The following ZNF268 variants were observed in gnomAD, a reference collection of about 807,000 sequenced individuals.
ZNF268 encodes zinc finger protein 268.
A neutral mutation model predicts 29.3 loss-of-function variants in ZNF268; 20 were observed. That is an observed-to-expected ratio of 0.68 (90% CI 0.48 to 0.99). The LOEUF (loss-of-function observed/expected upper bound fraction) is 0.99. ZNF268 is among the 50% of genes least tolerant of loss of function. The probability of loss-of-function intolerance (pLI) is 0.00; values close to 1 mark genes in which losing one functional copy is unlikely to be tolerated. For missense variants in ZNF268, 1,240 were observed against 1,121.6 expected, an observed-to-expected ratio of 1.11 and a Z score of -1.51; for synonymous variants, 429 against 376.9, an observed-to-expected ratio of 1.14 and a Z score of -1.60.
rs1349365619 is a variant in ZNF268, at chr12:133,208,944, C to CCTT, written c.*4414_*4415insCTT. 9.3e-6 allele frequency: 1 copy of CCTT among 107,096 alleles called. No homozygotes were observed. Among genetic ancestry groups the CCTT allele is most frequent in the African/African-American group, 3.8e-5 (1 of 26,190 alleles). The allele number at this position is 107,096 out of a possible 1,614,324, so 6.6% of individuals were successfully genotyped here. A position where few individuals can be genotyped will look rare whatever the true frequency, so the allele number is the denominator to read the frequency against. ...AGCTCCTTATATGGCATAGTATTTG[C>CCTT]ATTTTTTTTTTTTTTTTTGAGATGG... On this transcript the variant is annotated 3_prime_UTR_variant, in exon 6 of 6. Coordinates refer to ENST00000536435, the MANE Select transcript of ZNF268 (RefSeq NM_003415.3).
rs988232985 is a variant in ZNF268, at chr12:133,209,471, G to A, written c.*4941G>A. The A allele has an allele frequency of 1.3e-5, 2 of 152,160 alleles. No individual in the cohort carries two copies. The highest frequency in any genetic ancestry group is 6.5e-5 in the Admixed American group (1 of 15,274). 9.4% of individuals were successfully genotyped at this position (152,160 alleles called of 1,614,324 possible). On this transcript the variant is annotated 3_prime_UTR_variant, in exon 6 of 6. Transcript: ENST00000536435. ...TATTTAAATTTAAATGAAGTTGCAA[G>A]TTTTAACATGTCTACTCTTTAATTT...
intron 2 of ZNF268, among the ~76,000 whole-genome samples, chr12:133,187,565 C>T (rs534450223): frequency 2.0e-5 from 3 of 152,098 alleles, no homozygotes; most frequent in Admixed American, 6.5e-5. Flanking sequence ...CCTATTAAGA[C>T]GCCATTTGGT....
rs778984528 is a variant in ZNF268 at position 133,204,275 on chromosome 12, A to G, written c.2589A>G (p.Pro863=). 37 of 1,551,514 alleles carry G rather than the reference A, an allele frequency of 2.4e-5. No individual in the cohort carries two copies. The highest frequency in any genetic ancestry group is 3.1e-5 in the Non-Finnish European group (36 of 1,151,894). The change falls in exon 6 of 6, where the codon CCA becomes CCG. Residue 863 remains proline (P), a synonymous_variant. Coordinates refer to ENST00000536435, the MANE Select transcript of ZNF268 (RefSeq NM_003415.3). ...AGAGAATGCACACAAGAGAGAAACC[A>G]TATGAATGCAGTGAGTGTGGAAAAG... ...VHQRMHTREK[P]YECSECGKAF...
chr12:133,192,149 C>T, intron 5 of ZNF268, 146 bp downstream of exon 5: 2 of 636,642 alleles, frequency 3.1e-6, no homozygotes, highest in Non-Finnish European at 5.1e-6. Context: ...ACTTTGTTGC[C>T]CAGGCTGGGG....
chr12:133,191,312 G>C, intron 3 of ZNF268, 177 bp from the exon 4 acceptor site: 2 of 645,630 alleles, frequency 3.1e-6, no homozygotes, highest in East Asian at 3.4e-5. Context: ...GTGAGACTCT[G>C]TCTCAACAAA....
In ZNF268 at chr12:133,204,080, C is replaced by T. The variant is rs1566386738; in HGVS notation, c.2394C>T (p.His798=). 5 of 1,551,046 alleles carry T rather than the reference C, an allele frequency of 3.2e-6. No homozygotes were observed. The East Asian group carries it at 9.7e-5, about 30-fold the overall frequency. ...GCAGCAAGTCATACCTAATTATACA[C>T]ATGAGAACTCATTCAGGTGAAAAAC... ...AFSSKSYLII[H]MRTHSGEKPY... The change falls in exon 6 of 6, where the codon CAC becomes CAT. Residue 798 remains histidine (H), a synonymous_variant. Transcript: ENST00000536435.
Position 133,191,897 on chromosome 12 carries a change from TC to T in ZNF268, c.362-10del. 6.2e-7 allele frequency: 1 copy of T among 1,613,174 alleles called. No homozygotes were observed. Among genetic ancestry groups the T allele is most frequent in the Non-Finnish European group, 8.5e-7 (1 of 1,179,108 alleles). On this transcript the variant is annotated splice_polypyrimidine_tract_variant and intron_variant, in intron 4 of 5. Transcript: ENST00000536435. Reference sequence around the variant, plus strand: ...TTTGTTCCAGGTTGTCTGTGATTTTTCTATTTATAGGGTACCAACACACCAA... The same window carrying T: ...TTTGTTCCAGGTTGTCTGTGATTTTTTATTTATAGGGTACCAACACACCAA...
chr12:133,191,171 G>T (rs1196685414), intron 3 of ZNF268, among the ~76,000 whole-genome samples: 1 of 152,004 alleles, frequency 6.6e-6, no homozygotes, highest in Non-Finnish European at 1.5e-5. Flanking sequence ...AAAAAAATCA[G>T]CCGGACTTGG....
chr12:133,203,983 A>C lies in ZNF268; in HGVS notation c.2297A>C (p.Gln766Pro). ...ECGKAFNRKDQLISHQRTHAG... is the reference protein window; with the variant it reads ...ECGKAFNRKDPLISHQRTHAG... ...GGGAAAGCCTTTAATAGGAAAGACC[A>C]GCTCATTTCACATCAGCGAACTCAT... Residue 766 changes from glutamine (Q) to proline (P), a missense_variant, in exon 6 of 6, where the codon CAG (glutamine) becomes CCG (proline). By Grantham distance (76) the Gln-to-Pro change is moderately conservative. Coordinates refer to ENST00000536435, the MANE Select transcript of ZNF268 (RefSeq NM_003415.3). The C allele has an allele frequency of 6.3e-7, 1 of 1,588,870 alleles. No homozygotes were observed. Among genetic ancestry groups the C allele is most frequent in the Admixed American group, 1.8e-5 (1 of 56,426 alleles).
chr12:133,203,339 A>G lies in ZNF268; in HGVS notation c.1653A>G (p.Thr551=). 1 of 1,547,334 alleles carries G rather than the reference A, an allele frequency of 6.5e-7. No homozygotes were observed. The highest frequency in any genetic ancestry group is 1.4e-5 in the African/African-American group (1 of 73,244). Residue 551 remains threonine, a synonymous_variant, in exon 6 of 6, where the codon ACA becomes ACG. Coordinates refer to ENST00000536435, the MANE Select transcript of ZNF268 (RefSeq NM_003415.3). ...SQLIIHQRIH[T]GENPYECHEC... is the part of the protein sequence containing the mutation. ...TCATTATACATCAGAGGATTCATAC[A>G]GGAGAGAACCCCTATGAATGCCATG...
At position 133,202,820 on chromosome 12, in the gene ZNF268, C is replaced by G. The variant is rs761333519; in HGVS notation, c.1134C>G (p.His378Gln). 6.2e-7 allele frequency: 1 copy of G among 1,601,816 alleles called. No individual in the cohort carries two copies. The highest frequency in any genetic ancestry group is 8.5e-7 in the Non-Finnish European group (1 of 1,176,454). ...VFSRKDQLVSHQKTHSGQKPY... is the reference protein window; with the variant it reads ...VFSRKDQLVSQQKTHSGQKPY... ...GTAGGAAAGACCAGCTTGTTTCACA[C>G]CAGAAAACTCATTCAGGACAGAAAC... Residue 378 changes from histidine (H) to glutamine (Q), a missense_variant, in exon 6 of 6, where the codon CAC becomes CAG. By Grantham distance (24) the His-to-Gln change is conservative. This residue lies in a region of ZNF268 where 1,177 missense variants were observed against 1,039.6 expected (regional missense o/e 1.13). Transcript: ENST00000536435.
Position 133,213,340 on chromosome 12 carries a change from T to C in ZNF268, c.*8810T>C, listed in dbSNP as rs560360968. The stretch of plus-strand genomic sequence containing the variant: ...GGAAACAAAAGAAAAAATAGGTAAA[T>C]TGGACTTCACCAAAATTGAAAACTT... On this transcript the variant is annotated 3_prime_UTR_variant, in exon 6 of 6. Transcript: ENST00000536435. The C allele has an allele frequency of 1.3e-5, 2 of 152,264 alleles. No individual in the cohort carries two copies. Among genetic ancestry groups the C allele is most frequent in the East Asian group, 3.9e-4 (2 of 5,180 alleles). The allele number at this position is 152,264 out of a possible 1,614,324, so 9.4% of individuals were successfully genotyped here. A position where few individuals can be genotyped will look rare whatever the true frequency, so the allele number is the denominator to read the frequency against.
Position 133,202,846 on chromosome 12 carries a change from C to T in ZNF268, c.1160C>T (p.Pro387Leu). The T allele has an allele frequency of 6.3e-7, 1 of 1,586,984 alleles. No homozygotes were observed. The highest frequency in any genetic ancestry group is 8.6e-7 in the Non-Finnish European group (1 of 1,169,228). The change falls in exon 6 of 6, where the codon CCA becomes CTA. Residue 387 changes from proline (P) to leucine (L), a missense_variant. Around this residue, in one of 3 missense-constraint regions of ZNF268, gnomAD observed 1,177 missense variants for 1,039.6 expected, o/e 1.13. Coordinates refer to ENST00000536435, the MANE Select transcript of ZNF268 (RefSeq NM_003415.3). ...SHQKTHSGQK[P>L]YVCNECGKAF... ...CAGAAAACTCATTCAGGACAGAAACCATATGTGTGTAATGAATGTGGGAAA... is the reference window on the plus strand; with the variant it reads ...CAGAAAACTCATTCAGGACAGAAACTATATGTGTGTAATGAATGTGGGAAA...
At chr12:133,182,976 G>C (rs184018070) in intron 2 of ZNF268, among the ~76,000 whole-genome samples, 29 of 152,282 alleles carry the variant, frequency 1.9e-4, no homozygotes, top group East Asian at 1.5e-3. Context: ...GGCAGGAGGC[G>C]AGTGGCGGTT....
Position 133,205,808 on chromosome 12 carries a change from A to G in ZNF268, c.*1278A>G, listed in dbSNP as rs1451563310. On this transcript the variant is annotated 3_prime_UTR_variant, in exon 6 of 6. Transcript: ENST00000536435. ...CGAAACATTCCCTAACGGTGTATGT[A>G]GTCATGAGGGAACCACCATTCAAGA... 1 of 152,210 alleles carries G rather than the reference A, an allele frequency of 6.6e-6. No homozygotes were observed. Among genetic ancestry groups the G allele is most frequent in the Non-Finnish European group, 1.5e-5 (1 of 68,034 alleles). 9.4% of individuals were successfully genotyped at this position (152,210 alleles called of 1,614,324 possible).
chr12:133,200,797 A>G (rs924279353), intron 5 of ZNF268, among the ~76,000 whole-genome samples: 8 of 151,974 alleles, frequency 5.3e-5, no homozygotes, highest in African/African-American at 1.9e-4. Flanking sequence ...CTCTTGTGGT[A>G]GTTACCTCCA....
rs140304928 is a variant in ZNF268 at position 133,192,394 on chromosome 12, C to T, written c.457+391C>T. Among the ~76,000 whole-genome samples, 7 of 152,182 alleles carry T rather than the reference C, an allele frequency of 4.6e-5. No homozygotes were observed. In the East Asian group the frequency reaches 1.2e-3, roughly 25 times the overall value. The stretch of plus-strand genomic sequence containing the variant: ...AAGTGCTGGGATTACAGGCGTGAGC[C>T]AGCGTGCCCGGCCTTACCATCCACT... On this transcript the variant is annotated intron_variant, in intron 5 of 5. Transcript: ENST00000536435.
intron 2 of ZNF268, among the ~76,000 whole-genome samples, chr12:133,184,119 T>G (rs952438430): frequency 1.3e-5 from 2 of 152,150 alleles, no homozygotes; most frequent in Non-Finnish European, 2.9e-5. Flanking sequence ...GTTTTCTTTT[T>G]TTTTTTGGAG....
In ZNF268 at chr12:133,195,883, A is replaced by G. The variant is rs1221809286; in HGVS notation, c.457+3880A>G. Among the ~76,000 whole-genome samples, 25 of 151,592 alleles carry G rather than the reference A, an allele frequency of 1.6e-4. 1 individual carries two copies. The highest frequency in any genetic ancestry group is 1.5e-3 in the Admixed American group (23 of 15,248). ...CAGGTACGCGCTACCACACCTGGCT[A>G]ATTTTTGTATTTTTAGACAGGGTTT... is the stretch of plus-strand genomic sequence containing the variant. On this transcript the variant is annotated intron_variant, in intron 5 of 5. Transcript: ENST00000536435.
Sources: allele counts gnomAD v4.1 joint callset (sites outside exome capture counted in the v4.1 genomes callset), GRCh38; gene constraint gnomAD v4.1.1; regional missense constraint gnomAD v4.1.1; transcripts MANE v1.5; gene names NCBI Gene and HGNC (gene_info 2026-07-23, HGNC 2026-07-21).